IRAK3: variants seen among roughly 807,000 people sequenced by gnomAD.
The protein encoded by IRAK3 is interleukin 1 receptor associated kinase 3.
A neutral mutation model predicts 56.6 loss-of-function variants in IRAK3; 57 were observed. The observed-to-expected ratio is 1.01, with a 90% CI of 0.81 to 1.26. The LOEUF (loss-of-function observed/expected upper bound fraction) is 1.26, where lower values mean the gene tolerates loss of function less well. Ranked by LOEUF, IRAK3 falls within the 50% of genes most tolerant of loss-of-function variation. The pLI, the probability that IRAK3 is intolerant of heterozygous loss-of-function variation, is 0.00. For synonymous variants in IRAK3, 258 were observed against 255.7 expected (o/e 1.01, Z -0.09); for missense variants, 703 against 719.0 (o/e 0.98, Z 0.25).
chr12:66,210,970 A>G (rs925898710), intron 4 of IRAK3, among the ~76,000 whole-genome samples: 8 of 152,214 alleles, frequency 5.3e-5, no homozygotes, highest in Admixed American at 1.3e-4. Flanking sequence ...AAAAGGCTGA[A>G]TCATCTTTCT....
Position 66,248,054 on chromosome 12 carries a change from G to A in IRAK3, c.1674G>A (p.Lys558=), listed in dbSNP as rs2053055368. Residue 558 remains lysine (K), a synonymous_variant, in exon 12 of 12, where the codon AAG becomes AAA. Transcript: ENST00000261233. ...CATCCCAGGACTTAAGGCCCTATAA[G>A]GTAAATATAGATCCTTCTTCAGAAG... ...IVPSQDLRPY[K]VNIDPSSEAP... 2 of 1,587,356 alleles carry A rather than the reference G, an allele frequency of 1.3e-6. No individual in the cohort carries two copies. Among genetic ancestry groups the A allele is most frequent in the African/African-American group, 1.4e-5 (1 of 73,494 alleles).
At chr12:66,231,804 T>C (rs2052846887) in intron 8 of IRAK3, among the ~76,000 whole-genome samples, 1 of 152,174 alleles carries the variant, frequency 6.6e-6, no homozygotes, top group Non-Finnish European at 1.5e-5. Context: ...TACAGAAGAA[T>C]GAGGACTGTG....
chr12:66,242,045 A>T (rs1458235259), intron 8 of IRAK3, among the ~76,000 whole-genome samples: 2 of 152,048 alleles, frequency 1.3e-5, no homozygotes, highest in Non-Finnish European at 2.9e-5. Flanking sequence ...TGATTCTGGC[A>T]TTGTCAATTA....
intron 8 of IRAK3, among the ~76,000 whole-genome samples, chr12:66,235,744 A>G (rs1022304196): frequency 1.3e-5 from 2 of 152,244 alleles, no homozygotes; most frequent in African/African-American, 4.8e-5. Flanking sequence ...AACTTTGTAT[A>G]ACTACAAATT....
intron 8 of IRAK3, among the ~76,000 whole-genome samples, chr12:66,238,567 T>G (rs2052932208): frequency 2.6e-5 from 4 of 152,084 alleles, no homozygotes; most frequent in Admixed American, 2.6e-4. Context: ...ACAGGGAAAT[T>G]GGGAAGGAGA....
chr12:66,227,602 T>TAAATAAATAAAC (rs1205633283), intron 7 of IRAK3, among the ~76,000 whole-genome samples: 46 of 150,974 alleles, frequency 3.0e-4, no homozygotes, highest in African/African-American at 1.0e-3. Flanking sequence ...AATAAATAAA[T>TAAATAAATAAAC]AAACAAACAA....
chr12:66,226,154 T>A (rs1428703426), intron 6 of IRAK3, among the ~76,000 whole-genome samples: 3 of 152,248 alleles, frequency 2.0e-5, no homozygotes, highest in South Asian at 2.1e-4. Flanking sequence ...TTTATTTTTT[T>A]AAATTTTCTG....
At chr12:66,218,312 G>C (rs2052697971) in intron 6 of IRAK3, among the ~76,000 whole-genome samples, 1 of 152,082 alleles carries the variant, frequency 6.6e-6, no homozygotes, top group Non-Finnish European at 1.5e-5. Context: ...ATAACCCACT[G>C]TTCACAATTT....
In IRAK3 at chr12:66,211,609, A is replaced by G; in HGVS notation, c.588+12A>G. The stretch of plus-strand genomic sequence containing the variant: ...AATTATTTAAACAGGTATGGAAAGA[A>G]TTACTGTCACAGGACATCAGTTCCA... On this transcript the variant is annotated intron_variant, in intron 5 of 11. Transcript: ENST00000261233. The G allele has an allele frequency of 6.2e-7, 1 of 1,601,386 alleles. No individual in the cohort carries two copies.
At chr12:66,234,053 C>G in intron 8 of IRAK3, 2 of 1,612,698 alleles carry the variant, frequency 1.2e-6, no homozygotes, top group Non-Finnish European at 1.7e-6. Flanking sequence ...TGTAAGAACA[C>G]CTTTCTGTAC....
In IRAK3 at chr12:66,243,045, G is replaced by A. The variant is rs28461893; in HGVS notation, c.888-1441G>A. Among the ~76,000 whole-genome samples the A allele has an allele frequency of 2.5e-3, 372 of 151,476 alleles. 1 individual carries two copies. Among genetic ancestry groups the A allele is most frequent in the African/African-American group, 8.7e-3 (359 of 41,282 alleles). ...CGTGCCAATGCGCTCCAGCCTGGGGGACAAGAATGAAACTTTGTCTCGAAA... is the reference window on the plus strand; with the variant it reads ...CGTGCCAATGCGCTCCAGCCTGGGGAACAAGAATGAAACTTTGTCTCGAAA... On this transcript the variant is annotated intron_variant, in intron 8 of 11. Coordinates refer to ENST00000261233, the MANE Select transcript of IRAK3 (RefSeq NM_007199.3).
chr12:66,189,504 T>A (rs928771145), intron 1 of IRAK3, 72 bp downstream of exon 1: 2 of 1,022,908 alleles, frequency 2.0e-6, no homozygotes, highest in East Asian at 5.7e-5. Context: ...GGCGTCGCCC[T>A]GCATGGCTGG....
At chr12:66,209,555 C>T (rs768329633) in intron 3 of IRAK3, 35 bp downstream of exon 3, 1 of 1,256,152 alleles carries the variant, frequency 8.0e-7, no homozygotes, top group South Asian at 1.2e-5. Flanking sequence ...GAGCCTTGAA[C>T]TTTGTTGCAT....
chr12:66,232,012 G>A (rs2052849532), intron 8 of IRAK3, among the ~76,000 whole-genome samples: 1 of 152,216 alleles, frequency 6.6e-6, no homozygotes, highest in Admixed American at 6.5e-5. Context: ...TTGTCTGGAT[G>A]TGCAGAACTA....
intron 6 of IRAK3, among the ~76,000 whole-genome samples, chr12:66,218,941 G>T (rs1255453503): frequency 2.0e-5 from 3 of 152,086 alleles, no homozygotes; most frequent in African/African-American, 7.2e-5. Context: ...TCTGTGTCTG[G>T]CTTATTTTAC....
At chr12:66,218,516 A>T (rs2052699738) in intron 6 of IRAK3, among the ~76,000 whole-genome samples, 1 of 152,200 alleles carries the variant, frequency 6.6e-6, no homozygotes, top group African/African-American at 2.4e-5. Context: ...TTTACTTTCA[A>T]AGCAGTCATA....
intron 8 of IRAK3, among the ~76,000 whole-genome samples, chr12:66,229,569 G>A (rs897100695): frequency 2.0e-5 from 3 of 152,176 alleles, no homozygotes; most frequent in Non-Finnish European, 4.4e-5. Flanking sequence ...AGTTCTAGAG[G>A]GGCGGGGTGA....
intron 2 of IRAK3, 108 bp from the exon 3 acceptor site, chr12:66,209,348 T>C (rs1298243547): frequency 2.8e-6 from 2 of 723,070 alleles, no homozygotes; most frequent in Admixed American, 2.0e-5. Context: ...AATGAAACTT[T>C]AGAAATGAAC....
chr12:66,246,095 G>A (rs1278261549), intron 11 of IRAK3, among the ~76,000 whole-genome samples: 2 of 152,088 alleles, frequency 1.3e-5, no homozygotes, highest in Non-Finnish European at 2.9e-5. Flanking sequence ...AGAAGGCCAG[G>A]TTGCCGTGGA....
Sources: gnomAD v4.1 joint callset for allele counts (sites outside exome capture counted in the v4.1 genomes callset) on GRCh38, gnomAD v4.1.1 for gene constraint, MANE v1.5 for transcripts, NCBI Gene and HGNC (gene_info 2026-07-23, HGNC 2026-07-21) for gene names.